Variants in NAV3 observed in about 807,000 individuals in gnomAD.
The protein encoded by NAV3 is pore membrane and/or filament interacting like protein 1.
A neutral mutation model predicts 244.7 loss-of-function variants in NAV3; 87 were observed. The observed-to-expected ratio is 0.36, with a 90% CI of 0.30 to 0.42. The LOEUF (loss-of-function observed/expected upper bound fraction) is 0.42, where lower values mean the gene tolerates loss of function less well. NAV3 is among the 20% of genes least tolerant of loss of function. NAV3 has a pLI of 1.00. For missense variants in NAV3, 2,663 were observed against 2,893.3 expected (o/e 0.92, Z 1.83); for synonymous variants, 1,126 against 1,042.2 (o/e 1.08, Z -1.55).
At chr12:78,157,647 A>T (rs897996126) in intron 22 of NAV3, among the ~76,000 whole-genome samples, 3 of 152,106 alleles carry the variant, frequency 2.0e-5, no homozygotes, top group African/African-American at 7.2e-5. Flanking sequence ...GTCTGATATC[A>T]TCACATTCCT....
At chr12:77,973,977 GAGAA>G (rs1321485316) in intron 5 of NAV3, among the ~76,000 whole-genome samples, 62 of 152,160 alleles carry the variant, frequency 4.1e-4, no homozygotes, top group African/African-American at 1.4e-3. Flanking sequence ...AATAATTGAA[GAGAA>G]AGAAGTTATT....
At chr12:78,210,214 T>C (rs1960759881) in intron 39 of NAV3, among the ~76,000 whole-genome samples, 184 bp from the exon 40 acceptor site, 1 of 152,132 alleles carries the variant, frequency 6.6e-6, no homozygotes, top group Non-Finnish European at 1.5e-5. Context: ...TGGTTTGGTG[T>C]TGTAGTCATG....
intron 22 of NAV3, 114 bp from the exon 23 acceptor site, chr12:78,159,089 T>C: frequency 1.4e-6 from 1 of 690,798 alleles, no homozygotes; most frequent in Admixed American, 2.9e-5. Context: ...ATGATAGTCA[T>C]AGTATTTAAA....
rs899710465 is a variant in NAV3, at chr12:77,670,301, T to TA, written c.72+98041dup. On this transcript the variant is annotated intron_variant, in intron 2 of 8. Coordinates refer to the NAV3 transcript ENST00000550042. ...CAAGCACCAAGATTGAAATGGTAAT[T>TA]AAAAAATTACCAACCAAAAAAGCCC... Among the ~76,000 whole-genome samples, 94 of 151,936 alleles carry TA rather than the reference T, an allele frequency of 6.2e-4. 1 individual carries two copies. The highest frequency in any genetic ancestry group is 1.7e-3 in the African/African-American group (72 of 41,488).
chr12:78,134,439 A>G (rs1416530855), intron 18 of NAV3, among the ~76,000 whole-genome samples: 1 of 152,206 alleles, frequency 6.6e-6, no homozygotes, highest in African/African-American at 2.4e-5. Context: ...CTGAATCTTC[A>G]CCTATTGTTC....
intron 12 of NAV3, among the ~76,000 whole-genome samples, 180 bp downstream of exon 12, chr12:78,059,295 T>C (rs1238495260): frequency 3.9e-5 from 6 of 152,158 alleles, no homozygotes. Context: ...GTTTTCGTTT[T>C]TTTTGTGTGT....
At chr12:77,969,963 GCAA>G (rs1295093057) in intron 5 of NAV3, among the ~76,000 whole-genome samples, 1 of 152,038 alleles carries the variant, frequency 6.6e-6, no homozygotes, top group South Asian at 2.1e-4. Context: ...TATCTACATA[GCAA>G]CAACTAGACT....
intron 12 of NAV3, among the ~76,000 whole-genome samples, chr12:78,104,638 A>G (rs1361315168): frequency 6.6e-6 from 1 of 152,174 alleles, no homozygotes; most frequent in African/African-American, 2.4e-5. Context: ...GTATCCAAAC[A>G]ATAATCTTCC....
At chr12:78,031,492 C>A (rs568160108) in intron 9 of NAV3, among the ~76,000 whole-genome samples, 2 of 152,130 alleles carry the variant, frequency 1.3e-5, no homozygotes, top group Non-Finnish European at 2.9e-5. Flanking sequence ...AATCTCAGGA[C>A]TTTTCCTGAG....
At chr12:77,631,957 C>T (rs1264300806) in intron 2 of NAV3, among the ~76,000 whole-genome samples, 1 of 152,166 alleles carries the variant, frequency 6.6e-6, no homozygotes, top group African/African-American at 2.4e-5. Flanking sequence ...AGTACCTTTT[C>T]CTTTTCCAGT....
chr12:77,765,432 G>A (rs868816489), intron 2 of NAV3, among the ~76,000 whole-genome samples: 1 of 152,210 alleles, frequency 6.6e-6, no homozygotes, highest in African/African-American at 2.4e-5. Context: ...ACATGCTACT[G>A]GAAGAGAAGT....
intron 2 of NAV3, among the ~76,000 whole-genome samples, chr12:77,611,121 A>G (rs1592502210): frequency 6.6e-6 from 1 of 151,996 alleles, no homozygotes; most frequent in East Asian, 1.9e-4. Flanking sequence ...GTAAAAAAAG[A>G]TGAGTTTAGT....
At chr12:77,604,844 G>A (rs78714206) in intron 2 of NAV3, among the ~76,000 whole-genome samples, 3,182 of 152,174 alleles carry the variant, frequency 0.021, 48 homozygotes, top group Non-Finnish European at 0.035. Context: ...TGTCTGCATA[G>A]AACTGTACTT....
intron 2 of NAV3, among the ~76,000 whole-genome samples, chr12:77,824,709 A>G (rs1356331640): frequency 2.0e-5 from 3 of 151,990 alleles, no homozygotes; most frequent in African/African-American, 7.2e-5. Context: ...CCTGGCCAAT[A>G]TGGTAAAACC....
At chr12:77,757,939 G>T (rs1869265147) in intron 2 of NAV3, among the ~76,000 whole-genome samples, 1 of 152,150 alleles carries the variant, frequency 6.6e-6, no homozygotes, top group African/African-American at 2.4e-5. Context: ...TTAAGTAGAA[G>T]TTCTCTTTGT....
At chr12:77,823,649 T>G (rs894256145) in intron 2 of NAV3, among the ~76,000 whole-genome samples, 1 of 152,224 alleles carries the variant, frequency 6.6e-6, no homozygotes, top group South Asian at 2.1e-4. Flanking sequence ...TATGTGCCAT[T>G]ACAAAATCAA....
chr12:77,986,483 A>G (rs1271470708), intron 5 of NAV3, among the ~76,000 whole-genome samples: 1 of 152,204 alleles, frequency 6.6e-6, no homozygotes, highest in Non-Finnish European at 1.5e-5. Flanking sequence ...GATTTTTTGT[A>G]AGAAGCTTGA....
At chr12:77,930,985 G>A (rs1317840725) in intron 1 of NAV3, among the ~76,000 whole-genome samples, 1 of 151,808 alleles carries the variant, frequency 6.6e-6, no homozygotes, top group Non-Finnish European at 1.5e-5. Flanking sequence ...CCCTCCTGAA[G>A]CTTTTAGAAT....
intron 1 of NAV3, among the ~76,000 whole-genome samples, chr12:77,834,880 G>A (rs2136110350): frequency 3.2e-5 from 1 of 31,632 alleles, no homozygotes; most frequent in South Asian, 5.0e-4. Context: ...TTTAGCTTTT[G>A]GGAAAAAAAA....
Sources: gnomAD v4.1 joint callset for allele counts (sites outside exome capture counted in the v4.1 genomes callset) on GRCh38, gnomAD v4.1.1 for gene constraint, MANE v1.5 for transcripts, NCBI Gene and HGNC (gene_info 2026-07-23, HGNC 2026-07-21) for gene names.